ELMOD1: variants seen among roughly 807,000 people sequenced by gnomAD.
The protein encoded by ELMOD1 is ELMO domain-containing protein 1.
A neutral mutation model predicts 46.7 loss-of-function variants in ELMOD1; 21 were observed. The ratio of observed to expected loss-of-function variants is 0.45; its 90% CI spans 0.32 to 0.65. The LOEUF is 0.65. Among genes scored for constraint, ELMOD1 ranks in the 30% least tolerant of loss-of-function variants. The pLI is 0.04. For missense variants in ELMOD1, 348 were observed against 407.8 expected (o/e 0.85, Z 1.26); for synonymous variants, 122 against 138.2 (o/e 0.88, Z 0.82).
At chr11:107,622,290 G>A (rs886642939) in intron 2 of ELMOD1, among the ~76,000 whole-genome samples, 1 of 152,194 alleles carries the variant, frequency 6.6e-6, no homozygotes, top group Admixed American at 6.5e-5. Context: ...GGTGCCATAA[G>A]CACTAGTGGT....
At chr11:107,652,077 A>C (rs1056262445) in intron 9 of ELMOD1, among the ~76,000 whole-genome samples, 49 of 152,260 alleles carry the variant, frequency 3.2e-4, no homozygotes, top group African/African-American at 1.0e-3. Context: ...AAATTGAATC[A>C]ATAAAGTTCA....
intron 6 of ELMOD1, among the ~76,000 whole-genome samples, chr11:107,637,969 C>T (rs1386756701): frequency 1.3e-5 from 2 of 152,106 alleles, no homozygotes; most frequent in African/African-American, 2.4e-5. Context: ...AGAAAGCCCA[C>T]GCATCTTAGC....
intron 2 of ELMOD1, among the ~76,000 whole-genome samples, chr11:107,622,653 A>G (rs577727881): frequency 2.0e-5 from 3 of 152,352 alleles, no homozygotes; most frequent in South Asian, 2.1e-4. Context: ...CAGACAAGTT[A>G]GTCAAACTTT....
At chr11:107,603,332 A>C (rs1434242300) in intron 1 of ELMOD1, among the ~76,000 whole-genome samples, 1 of 152,246 alleles carries the variant, frequency 6.6e-6, no homozygotes, top group Non-Finnish European at 1.5e-5. Context: ...TGGGCTCAGG[A>C]GTTCGAGACT....
intron 7 of ELMOD1, among the ~76,000 whole-genome samples, chr11:107,648,294 C>T (rs1199518567): frequency 1.3e-5 from 2 of 152,222 alleles, no homozygotes; most frequent in Non-Finnish European, 2.9e-5. Context: ...ATGTCATTAC[C>T]TTCAAGATTT....
chr11:107,663,519 A>G (rs772504675), intron 11 of ELMOD1, among the ~76,000 whole-genome samples: 2 of 152,006 alleles, frequency 1.3e-5, no homozygotes, highest in Non-Finnish European at 2.9e-5. Flanking sequence ...GAAATGGAAC[A>G]GTCAACCCAA....
intron 6 of ELMOD1, among the ~76,000 whole-genome samples, chr11:107,645,089 A>ATTTTTTTTTTTTTTT (rs11390120): frequency 2.7e-4 from 28 of 103,204 alleles, no homozygotes; most frequent in Non-Finnish European, 3.9e-4. Context: ...TGCCTGGCTA[A>ATTTTTTTTTTTTTTT]TTTTTTTTTT....
At chr11:107,643,518 A>G (rs1055153684) in intron 6 of ELMOD1, 2 of 452,868 alleles carry the variant, frequency 4.4e-6, no homozygotes, top group Non-Finnish European at 9.0e-6. Flanking sequence ...GTCTGTGTCT[A>G]GTATAGTCTG....
intron 6 of ELMOD1, among the ~76,000 whole-genome samples, chr11:107,639,783 A>G (rs192329736): frequency 1.4e-3 from 209 of 152,152 alleles, no homozygotes; most frequent in Middle Eastern, 6.8e-3. Flanking sequence ...GGTCTCCTCC[A>G]CTTCGCAGGT....
At chr11:107,604,802 C>G (rs1865659992) in intron 1 of ELMOD1, among the ~76,000 whole-genome samples, 1 of 152,150 alleles carries the variant, frequency 6.6e-6, no homozygotes, top group South Asian at 2.1e-4. Context: ...GGTCGAATTC[C>G]TTTAAATGAA....
rs532834204 is a variant in ELMOD1, at chr11:107,646,769, CT to C, written c.421-685del. ...GCAAAAAGAAACTCATGTCAGTTCA[CT>C]TTTTTTTTTTTTTGGTTAATAATGC... On this transcript the variant is annotated intron_variant, in intron 6 of 11. Coordinates refer to ENST00000265840, the MANE Select transcript of ELMOD1 (RefSeq NM_018712.4). 2.1e-3 allele frequency among the ~76,000 whole-genome samples: 291 copies of C among 139,956 alleles called. 1 individual carries two copies. The highest frequency in any genetic ancestry group is 3.8e-3 in the Middle Eastern group (1 of 260). The allele number at this position is 139,956 out of a possible 152,430, so 91.8% of individuals were successfully genotyped here.
At chr11:107,664,367 A>C (rs1866799994) in intron 11 of ELMOD1, among the ~76,000 whole-genome samples, 2 of 152,214 alleles carry the variant, frequency 1.3e-5, no homozygotes, top group South Asian at 4.1e-4. Flanking sequence ...ATAGGTTCTT[A>C]TATCAAATAC....
At chr11:107,658,351 C>A (rs1306629972) in intron 11 of ELMOD1, among the ~76,000 whole-genome samples, 1 of 152,100 alleles carries the variant, frequency 6.6e-6, no homozygotes, top group Non-Finnish European at 1.5e-5. Context: ...AACACATATA[C>A]TTTACAACTT....
intron 5 of ELMOD1, among the ~76,000 whole-genome samples, 156 bp from the exon 6 acceptor site, chr11:107,635,480 T>C (rs1866212780): frequency 6.6e-6 from 1 of 152,214 alleles, no homozygotes; most frequent in Non-Finnish European, 1.5e-5. Context: ...GGAGATTTAA[T>C]AAGAATTGTG....
At chr11:107,606,899 A>T (rs954748674) in intron 1 of ELMOD1, among the ~76,000 whole-genome samples, 3 of 152,204 alleles carry the variant, frequency 2.0e-5, no homozygotes, top group Non-Finnish European at 4.4e-5. Context: ...TTTAACAAAG[A>T]GAGTAAATTT....
At chr11:107,644,842 C>T (rs1031083817) in intron 6 of ELMOD1, among the ~76,000 whole-genome samples, 3 of 152,040 alleles carry the variant, frequency 2.0e-5, no homozygotes, top group African/African-American at 7.2e-5. Flanking sequence ...ATGAATGTGA[C>T]GAACTTTACA....
At chr11:107,656,853 A>G (rs979818437) in intron 11 of ELMOD1, among the ~76,000 whole-genome samples, 1 of 152,196 alleles carries the variant, frequency 6.6e-6, no homozygotes. Flanking sequence ...TTAGAAGATT[A>G]AGTTGAAACT....
chr11:107,599,113 G>C (rs1356842466), intron 1 of ELMOD1, among the ~76,000 whole-genome samples: 1 of 152,158 alleles, frequency 6.6e-6, no homozygotes, highest in African/African-American at 2.4e-5. Flanking sequence ...AGTAGGAGGA[G>C]GTGGGGATAC....
chr11:107,610,632 C>T (rs1442020182), intron 1 of ELMOD1, among the ~76,000 whole-genome samples: 1 of 149,594 alleles, frequency 6.7e-6, no homozygotes, highest in Non-Finnish European at 1.5e-5. Context: ...CACTGCACTC[C>T]ACCCTGGGTG....
Sources: gnomAD v4.1 joint callset for allele counts (sites outside exome capture counted in the v4.1 genomes callset) on GRCh38, gnomAD v4.1.1 for gene constraint, MANE v1.5 for transcripts, NCBI Gene and HGNC (gene_info 2026-07-23, HGNC 2026-07-21) for gene names.